Variants in SLC6A6 observed in about 807,000 individuals in gnomAD.
SLC6A6 encodes sodium- and chloride-dependent taurine transporter.
SLC6A6 carries 16 observed loss-of-function variants against 68.8 expected under a neutral mutation model. The ratio of observed to expected loss-of-function variants is 0.23; its 90% CI spans 0.16 to 0.35. The LOEUF is 0.35. SLC6A6 is among the 10% of genes least tolerant of loss of function. SLC6A6 has a pLI of 1.00. For missense variants in SLC6A6, 474 were observed against 802.8 expected (o/e 0.59, Z 4.95); for synonymous variants, 312 against 315.4 (o/e 0.99, Z 0.12).
intron 5 of SLC6A6, among the ~76,000 whole-genome samples, chr3:14,451,281 G>A (rs1700246002): frequency 6.6e-6 from 1 of 152,250 alleles, no homozygotes; most frequent in African/African-American, 2.4e-5. Context: ...CCTGCGTGGA[G>A]CAGCAAATCA....
intron 2 of SLC6A6, among the ~76,000 whole-genome samples, chr3:14,419,488 G>A (rs1699440052): frequency 6.6e-6 from 1 of 152,218 alleles, no homozygotes; most frequent in Admixed American, 6.5e-5. Flanking sequence ...CTGACAGGGG[G>A]CAACCCATGT....
At chr3:14,467,998 T>C in intron 8 of SLC6A6, 42 bp downstream of exon 8, 1 of 1,608,024 alleles carries the variant, frequency 6.2e-7, no homozygotes, top group Non-Finnish European at 8.5e-7. Flanking sequence ...TTAGAAATGA[T>C]GATGATGATG....
intron 1 of SLC6A6, among the ~76,000 whole-genome samples, chr3:14,403,083 TG>T (rs1198298054): frequency 5.7e-5 from 1 of 17,614 alleles, no homozygotes; most frequent in East Asian, 1.3e-3. Flanking sequence ...GGAGAGTGTG[TG>T]TGTGTGTGTG....
At position 14,450,678 on chromosome 3, in the gene SLC6A6, G is replaced by A. The variant is rs964519577; in HGVS notation, c.599+2862G>A. ...AGACCAGCACTGCCTCCTGTGACCT[G>A]CCTTCACAGCACAGGCCGAGGCCAG... On this transcript the variant is annotated intron_variant, in intron 5 of 14. Transcript: ENST00000622186. This position sits in a 1 kb window ranked among gnomAD's most constrained non-coding sequence, Gnocchi z 4.1. Among the ~76,000 whole-genome samples the A allele has an allele frequency of 3.9e-5, 6 of 152,174 alleles. No homozygotes were observed. Among genetic ancestry groups the A allele is most frequent in the African/African-American group, 1.4e-4 (6 of 41,432 alleles).
intron 2 of SLC6A6, among the ~76,000 whole-genome samples, chr3:14,436,529 C>T: frequency 9.9e-6 from 1 of 101,342 alleles, no homozygotes; most frequent in Non-Finnish European, 2.0e-5. Context: ...AACAACAACT[C>T]CCTTTTTTTT....
Position 14,443,969 on chromosome 3 carries a change from GC to G in SLC6A6, c.229+115del, listed in dbSNP as rs112272618. ...GGCCTCTCTTTCCCTGCTTTCCCTG[GC>G]CCCCCCCCTTGACCTCCATGAGGTC... On this transcript the variant is annotated intron_variant, in intron 3 of 14. Transcript: ENST00000622186. The G allele has an allele frequency of 5.0e-3, 3,672 of 731,928 alleles. 84 individuals carry two copies. In the African/African-American group the frequency reaches 0.051, roughly 10 times the overall value. The allele number at this position is 731,928 out of a possible 1,614,324, so 45.3% of individuals were successfully genotyped here.
At chr3:14,436,884 A>G (rs568064784) in intron 2 of SLC6A6, among the ~76,000 whole-genome samples, 1 of 152,002 alleles carries the variant, frequency 6.6e-6, no homozygotes, top group Non-Finnish European at 1.5e-5. Flanking sequence ...GTGGCCCTTC[A>G]CTTCCCTGTT....
At chr3:14,460,881 T>A (rs1700479220) in intron 6 of SLC6A6, among the ~76,000 whole-genome samples, 1 of 152,226 alleles carries the variant, frequency 6.6e-6, no homozygotes, top group South Asian at 2.1e-4. Context: ...GCCTGCTCGC[T>A]GGCCATGGCT....
chr3:14,467,261 A>G (rs1700641490), intron 7 of SLC6A6, among the ~76,000 whole-genome samples: 1 of 152,172 alleles, frequency 6.6e-6, no homozygotes, highest in Non-Finnish European at 1.5e-5. Flanking sequence ...CCCCCTGGAC[A>G]GGACACAGTT....
Position 14,489,049 on chromosome 3 carries a change from C to CAA in SLC6A6, c.*4045_*4046dup, listed in dbSNP as rs893224888. ...TCATCAGGACATTTTTTTAAAACTTCAAAATATTTTTAAGATATTTTAAAC... is the reference window on the plus strand; with the variant it reads ...TCATCAGGACATTTTTTTAAAACTTCAAAAAATATTTTTAAGATATTTTAAAC... On this transcript the variant is annotated 3_prime_UTR_variant, in exon 15 of 15. Transcript: ENST00000622186. 8 of 151,954 alleles carry CAA rather than the reference C, an allele frequency of 5.3e-5. No individual in the cohort carries two copies. Among genetic ancestry groups the CAA allele is most frequent in the Non-Finnish European group, 1.2e-4 (8 of 67,942 alleles). 9.4% of individuals were successfully genotyped at this position (151,954 alleles called of 1,614,324 possible).
At chr3:14,464,259 G>A (rs1030689106) in intron 6 of SLC6A6, among the ~76,000 whole-genome samples, 1 of 152,208 alleles carries the variant, frequency 6.6e-6, no homozygotes, top group Non-Finnish European at 1.5e-5. Context: ...TCAGTAAACT[G>A]CCAGTTGTGG....
In SLC6A6 at chr3:14,442,967, G is replaced by A. The variant is rs143045139; in HGVS notation, c.-11-657G>A. Among the ~76,000 whole-genome samples the A allele has an allele frequency of 2.4e-4, 36 of 152,282 alleles. No individual in the cohort carries two copies. In the East Asian group the frequency reaches 6.6e-3, roughly 28 times the overall value. ...TTTTTTTCTGCTAGAGATGTGACTG[G>A]TTAATAAATTGCACATCTATTTCAT... On this transcript the variant is annotated intron_variant, in intron 2 of 14. Coordinates refer to ENST00000622186, the MANE Select transcript of SLC6A6 (RefSeq NM_003043.6).
rs372315006 is a variant in SLC6A6 at position 14,477,349 on chromosome 3, G to T, written c.1347+7G>T. 7.4e-6 allele frequency: 12 copies of T among 1,613,596 alleles called. No individual in the cohort carries two copies. The African/African-American group carries it at 1.6e-4, about 22-fold the overall frequency. On this transcript the variant is annotated splice_region_variant and intron_variant, in intron 11 of 14. Transcript: ENST00000622186. The surrounding 1 kb of genome is among the most constrained non-coding windows in gnomAD (Gnocchi z 4.2). ...GCTGACGATGGTGACGGAGGTAGGT[G>T]GCTCTCTCAGCTGTGTTTCAGGCTT...
Position 14,485,155 on chromosome 3 carries a change from C to CGTGT in SLC6A6, c.*151_*152insTGTG, listed in dbSNP as rs1257464685. 1.6e-5 allele frequency: 9 copies of CGTGT among 557,450 alleles called. No individual in the cohort carries two copies. Among genetic ancestry groups the CGTGT allele is most frequent in the South Asian group, 1.2e-4 (5 of 43,296 alleles). 34.5% of individuals were successfully genotyped at this position (557,450 alleles called of 1,614,324 possible). On this transcript the variant is annotated 3_prime_UTR_variant, in exon 15 of 15. Coordinates refer to ENST00000622186, the MANE Select transcript of SLC6A6 (RefSeq NM_003043.6). ...GAAAATGTAATTGTGGGTATGTGTG[C>CGTGT]GTGCGTGTGTGTGTGTGTGTGTATC...
chr3:14,485,175 TGTATC>T lies in SLC6A6; in HGVS notation c.*171_*175del. 1 of 497,042 alleles carries T rather than the reference TGTATC, an allele frequency of 2.0e-6. No individual in the cohort carries two copies. The highest frequency in any genetic ancestry group is 3.5e-6 in the Non-Finnish European group (1 of 285,328). The allele number at this position is 497,042 out of a possible 1,614,324, so 30.8% of individuals were successfully genotyped here. The stretch of plus-strand genomic sequence containing the variant: ...GTGTGCGTGCGTGTGTGTGTGTGTG[TGTATC>T]GTGTGTGTGTGTTTTGTTTTGATTT... On this transcript the variant is annotated 3_prime_UTR_variant, in exon 15 of 15. Transcript: ENST00000622186.
At chr3:14,441,610 G>A (rs1360362166) in intron 2 of SLC6A6, among the ~76,000 whole-genome samples, 3 of 152,196 alleles carry the variant, frequency 2.0e-5, no homozygotes, top group Non-Finnish European at 4.4e-5. Flanking sequence ...TGGGGGAAAC[G>A]GGGGTTTTGT....
intron 2 of SLC6A6, among the ~76,000 whole-genome samples, chr3:14,440,672 G>A (rs4684220): frequency 0.44 from 66,935 of 152,036 alleles, 15,088 homozygotes; most frequent in Admixed American, 0.57. Flanking sequence ...ACAGATGCCA[G>A]TGCAAGGGCT....
intron 2 of SLC6A6, among the ~76,000 whole-genome samples, chr3:14,420,690 C>G (rs1027203370): frequency 2.6e-5 from 4 of 152,064 alleles, no homozygotes; most frequent in African/African-American, 9.7e-5. Context: ...CACTATGTTG[C>G]CCAGGCTGGT....
At chr3:14,482,783 T>G (rs61186135) in intron 14 of SLC6A6, among the ~76,000 whole-genome samples, 3 of 152,050 alleles carry the variant, frequency 2.0e-5, no homozygotes, top group African/African-American at 7.3e-5. Flanking sequence ...CCCATTCTAT[T>G]TTTTCAGAGG....
Sources: gnomAD v4.1 joint callset for allele counts (sites outside exome capture counted in the v4.1 genomes callset) on GRCh38, gnomAD v4.1.1 for gene constraint, Gnocchi (gnomAD v3.1) non-coding constraint, MANE v1.5 for transcripts, NCBI Gene and HGNC (gene_info 2026-07-23, HGNC 2026-07-21) for gene names.